Variants in PPM1D observed in about 807,000 individuals in gnomAD.
The protein encoded by PPM1D is protein phosphatase 1D.
Under a neutral mutation model 58.3 loss-of-function variants are expected in PPM1D, and 52 were observed. The ratio of observed to expected loss-of-function variants is 0.89; its 90% CI spans 0.71 to 1.12. The LOEUF (loss-of-function observed/expected upper bound fraction) is 1.12, where lower values mean the gene tolerates loss of function less well. Among genes scored for constraint, PPM1D ranks in the 50% most tolerant of loss-of-function variants. The pLI is 0.00. For missense variants in PPM1D, 564 were observed against 777.2 expected (o/e 0.73, Z 3.26); for synonymous variants, 278 against 285.1 (o/e 0.98, Z 0.25).
At chr17:60,620,477 TTTGATG>T (rs769763869) in intron 1 of PPM1D, among the ~76,000 whole-genome samples, 2 of 152,184 alleles carry the variant, frequency 1.3e-5, no homozygotes, top group Non-Finnish European at 2.9e-5. Flanking sequence ...AGCCTTTTAG[TTTGATG>T]TAGCCCAACT....
At chr17:60,611,609 G>A (rs1286096889) in intron 1 of PPM1D, among the ~76,000 whole-genome samples, 5 of 151,902 alleles carry the variant, frequency 3.3e-5, no homozygotes, top group African/African-American at 1.2e-4. Flanking sequence ...TGTAGAAATG[G>A]GGTTTCACCA....
chr17:60,622,968 G>A (rs1598403599), intron 1 of PPM1D, among the ~76,000 whole-genome samples: 1 of 152,098 alleles, frequency 6.6e-6, no homozygotes, highest in African/African-American at 2.4e-5. Flanking sequence ...ATGGTGGCAG[G>A]CGCCTGTAAT....
rs1163049039 is a variant in PPM1D, at chr17:60,663,083, T to A, written c.1349T>A (p.Leu450Ter). ...AGCAATGCCTTCTCAGAGAATTTTT[T>A]AGAGGTTTCAGCTGAGATAGCTCGA... The part of the protein sequence containing the change: ...VRSNAFSENF[L>*]EVSAEIAREN... The change falls in exon 6 of 6, where the codon TTA becomes TAA. Residue 450 changes from leucine (L) to a stop codon, truncating the protein, a stop_gained. Coordinates refer to ENST00000305921, the MANE Select transcript of PPM1D (RefSeq NM_003620.4). LOFTEE classifies it high-confidence loss of function. 6.2e-7 allele frequency: 1 copy of A among 1,614,118 alleles called. No homozygotes were observed. Among genetic ancestry groups the A allele is most frequent in the Non-Finnish European group, 8.5e-7 (1 of 1,179,942 alleles).
At chr17:60,645,612 G>GTA (rs369188839) in intron 3 of PPM1D, among the ~76,000 whole-genome samples, 37 of 131,516 alleles carry the variant, frequency 2.8e-4, no homozygotes, top group East Asian at 1.7e-3. Context: ...ATATATGTGT[G>GTA]TATATATATA....
intron 1 of PPM1D, 33 bp from the exon 2 acceptor site, chr17:60,623,488 T>C: frequency 6.3e-7 from 1 of 1,577,516 alleles, no homozygotes; most frequent in Non-Finnish European, 8.6e-7. Context: ...TGTTTATACT[T>C]GCAAGAGTGA....
chr17:60,609,805 C>T (rs1458615106), intron 1 of PPM1D, among the ~76,000 whole-genome samples: 2 of 152,116 alleles, frequency 1.3e-5, no homozygotes, highest in East Asian at 3.9e-4. Flanking sequence ...GTAATGCTGG[C>T]ATATTGTTAT....
At chr17:60,609,715 G>A (rs138693666) in intron 1 of PPM1D, among the ~76,000 whole-genome samples, 57 of 152,168 alleles carry the variant, frequency 3.7e-4, no homozygotes, top group Non-Finnish European at 7.2e-4. Context: ...GTGGTTATCG[G>A]ATCAACTCTT....
At position 60,600,562 on chromosome 17, in the gene PPM1D, C is replaced by T. The variant is rs944237283; in HGVS notation, c.148C>T (p.Pro50Ser). Residue 50 changes from proline to serine, a missense_variant, in exon 1 of 6, where the codon CCT (proline) becomes TCT (serine). Physicochemically the swap from Pro to Ser is moderately conservative, Grantham distance 74 (BLOSUM62 -1). Transcript: ENST00000305921. ...GCGGCGGTCGCTGTCTCAGCCGTTG[C>T]CTCCGCGGCCGTCGCCGGCCGCCCT... ...SPRRSLSQPLPPRPSPAALPG... is the reference protein window; with the variant it reads ...SPRRSLSQPLSPRPSPAALPG... 4 of 1,552,422 alleles carry T rather than the reference C, an allele frequency of 2.6e-6. No homozygotes were observed. Among genetic ancestry groups the T allele is most frequent in the Admixed American group, 2.0e-5 (1 of 51,048 alleles).
intron 1 of PPM1D, among the ~76,000 whole-genome samples, chr17:60,616,026 G>A (rs1181191839): frequency 6.6e-6 from 1 of 151,624 alleles, no homozygotes; most frequent in South Asian, 2.1e-4. Flanking sequence ...GTTTTTTTTG[G>A]AGGCAGAGTC....
At chr17:60,605,952 A>G (rs984727203) in intron 1 of PPM1D, among the ~76,000 whole-genome samples, 1 of 152,198 alleles carries the variant, frequency 6.6e-6, no homozygotes, top group East Asian at 1.9e-4. Flanking sequence ...TTTTAGGTAT[A>G]TAATTTAGTG....
At chr17:60,653,252 G>T (rs2031377148) in intron 4 of PPM1D, among the ~76,000 whole-genome samples, 4 of 152,020 alleles carry the variant, frequency 2.6e-5, no homozygotes, top group Admixed American at 2.6e-4. Context: ...GAGAGATAGG[G>T]GTATAGTTTC....
At chr17:60,634,055 C>T (rs1172283969) in intron 3 of PPM1D, 78 bp downstream of exon 3, 1 of 1,499,180 alleles carries the variant, frequency 6.7e-7, no homozygotes, top group African/African-American at 1.4e-5. Context: ...GGAGACAGAA[C>T]TAAACCCTTA....
In PPM1D at chr17:60,635,376, C is replaced by T. The variant is rs867598517; in HGVS notation, c.826+1399C>T. ...GATTACAGGCATGCACCACCACTAC[C>T]GGCTAATTTTGTATTTTTAGTAGAG... On this transcript the variant is annotated intron_variant, in intron 3 of 5. Transcript: ENST00000305921. Among the ~76,000 whole-genome samples the T allele has an allele frequency of 5.9e-5, 9 of 151,932 alleles. No individual in the cohort carries two copies. In the East Asian group the frequency reaches 1.2e-3, roughly 20 times the overall value.
intron 5 of PPM1D, among the ~76,000 whole-genome samples, chr17:60,661,340 T>C (rs1567978807): frequency 6.6e-6 from 1 of 151,016 alleles, no homozygotes; most frequent in African/African-American, 2.5e-5. Context: ...TCTATTAATA[T>C]TTTGATACAT....
chr17:60,659,815 T>C (rs1285736000), intron 5 of PPM1D, among the ~76,000 whole-genome samples: 1 of 152,168 alleles, frequency 6.6e-6, no homozygotes, highest in Non-Finnish European at 1.5e-5. Context: ...ACAGATACAA[T>C]GTATTCCCAC....
Position 60,663,731 on chromosome 17 carries a change from T to C in PPM1D, c.*179T>C. The C allele has an allele frequency of 1.5e-6, 1 of 667,808 alleles. No homozygotes were observed. Among genetic ancestry groups the C allele is most frequent in the African/African-American group, 1.8e-5 (1 of 55,298 alleles). The allele number at this position is 667,808 out of a possible 1,614,324, so 41.4% of individuals were successfully genotyped here. On this transcript the variant is annotated 3_prime_UTR_variant, in exon 6 of 6. Transcript: ENST00000305921. The stretch of plus-strand genomic sequence containing the variant: ...TTGCTTGTATTGTAAATGTGGATTT[T>C]GTAGATGTTAGGGTATAAGTTGCTG...
chr17:60,603,324 G>C (rs1053229685), intron 1 of PPM1D, among the ~76,000 whole-genome samples: 8 of 151,640 alleles, frequency 5.3e-5, no homozygotes. Context: ...TTTAAACTTA[G>C]GCAATTTAAA....
At chr17:60,608,246 T>G (rs1431026443) in intron 1 of PPM1D, among the ~76,000 whole-genome samples, 1 of 152,254 alleles carries the variant, frequency 6.6e-6, no homozygotes, top group Non-Finnish European at 1.5e-5. Flanking sequence ...GCAATTTAAA[T>G]TCTCATTAGT....
At chr17:60,658,732 G>A (rs1337514640) in intron 5 of PPM1D, among the ~76,000 whole-genome samples, 1 of 152,046 alleles carries the variant, frequency 6.6e-6, no homozygotes, top group Non-Finnish European at 1.5e-5. Flanking sequence ...GGGAGGCAGA[G>A]GCACATGGAT....
Sources: allele counts gnomAD v4.1 joint callset (sites outside exome capture counted in the v4.1 genomes callset), GRCh38; gene constraint gnomAD v4.1.1; transcripts MANE v1.5; gene names NCBI Gene and HGNC (gene_info 2026-07-23, HGNC 2026-07-21).